The following MYO1F variants were observed in gnomAD, a reference collection of about 807,000 sequenced individuals.
The protein encoded by MYO1F is unconventional myosin-If.
A neutral mutation model predicts 146.6 loss-of-function variants in MYO1F; 60 were observed. That is an observed-to-expected ratio of 0.41 (90% CI 0.33 to 0.51). MYO1F has a LOEUF of 0.51. Ranked by LOEUF, MYO1F falls within the 20% of genes least tolerant of loss-of-function variation. The pLI, the probability that MYO1F is intolerant of heterozygous loss-of-function variation, is 0.25. For synonymous variants in MYO1F, 602 were observed against 602.1 expected, an observed-to-expected ratio of 1.00 and a Z score of 0.00; for missense variants, 1,274 against 1,534.3, an observed-to-expected ratio of 0.83 and a Z score of 2.83.
chr19:8,551,144 C>T (rs1379178631), intron 8 of MYO1F, among the ~76,000 whole-genome samples: 1 of 151,958 alleles, frequency 6.6e-6, no homozygotes, highest in Non-Finnish European at 1.5e-5. Context: ...CTCCACCTCC[C>T]GGGTTTAAGC....
At chr19:8,525,690 T>G (rs965324822) in intron 24 of MYO1F, 128 bp from the exon 25 acceptor site, 2 of 782,616 alleles carry the variant, frequency 2.6e-6, no homozygotes, top group Non-Finnish European at 4.3e-6. Context: ...CACCGCCCCT[T>G]AGGTACAGTT....
intron 19 of MYO1F, among the ~76,000 whole-genome samples, chr19:8,532,155 C>T (rs1005790044): frequency 2.2e-5 from 3 of 138,294 alleles, no homozygotes; most frequent in Non-Finnish European, 4.7e-5. Flanking sequence ...AACTCCATCT[C>T]AAAAAAAAAA....
At chr19:8,526,228 G>A (rs980911020) in intron 24 of MYO1F, among the ~76,000 whole-genome samples, 5 of 152,228 alleles carry the variant, frequency 3.3e-5, no homozygotes, top group African/African-American at 1.2e-4. Context: ...TCGGGAGGCT[G>A]AGGCAAGACA....
intron 12 of MYO1F, 40 bp downstream of exon 12, chr19:8,547,996 C>CCCCCCCCG: frequency 6.4e-6 from 7 of 1,099,960 alleles, no homozygotes; most frequent in South Asian, 2.5e-5. Context: ...ACCCCACCCC[C>CCCCCCCCG]ACCCCAGGAT....
At chr19:8,547,191 C>T (rs1973396668) in intron 12 of MYO1F, among the ~76,000 whole-genome samples, 1 of 149,288 alleles carries the variant, frequency 6.7e-6, no homozygotes. Context: ...GTCCCAGCTA[C>T]TTGAGAGGCT....
chr19:8,530,678 C>A lies in MYO1F; in HGVS notation c.2044-105G>T. ...CCCTACTCACACGCTTTTGCTCACC[C>A]ATCCCCACACATGTGCTAATTTTTT... On this transcript the variant is annotated intron_variant, in intron 19 of 27. Coordinates refer to ENST00000644032, the MANE Select transcript of MYO1F (RefSeq NM_012335.4). The surrounding 1 kb of genome is among the most constrained non-coding windows in gnomAD (Gnocchi z 5.8). 1 of 859,640 alleles carries A rather than the reference C, an allele frequency of 1.2e-6. No individual in the cohort carries two copies. Among genetic ancestry groups the A allele is most frequent in the Non-Finnish European group, 1.9e-6 (1 of 517,386 alleles). 53.3% of individuals were successfully genotyped at this position (859,640 alleles called of 1,614,324 possible). A position where few individuals can be genotyped will look rare whatever the true frequency, so the allele number is the denominator to read the frequency against.
At chr19:8,526,163 C>G (rs1972257541) in intron 24 of MYO1F, among the ~76,000 whole-genome samples, 1 of 152,124 alleles carries the variant, frequency 6.6e-6, no homozygotes, top group Non-Finnish European at 1.5e-5. Context: ...CCCGTCTCTA[C>G]TAAAACTACA....
chr19:8,556,742 C>T (rs1234424248), intron 1 of MYO1F, among the ~76,000 whole-genome samples: 2 of 151,746 alleles, frequency 1.3e-5, no homozygotes, highest in South Asian at 4.2e-4. Context: ...ACAAAATTAG[C>T]CAGGTGTGCT....
At chr19:8,574,354 C>T (rs941571680) in intron 1 of MYO1F, among the ~76,000 whole-genome samples, 15 of 152,204 alleles carry the variant, frequency 9.9e-5, no homozygotes, top group African/African-American at 3.4e-4. Context: ...AATGAATGGA[C>T]ATCCCAGCTA....
chr19:8,531,050 G>A (rs112686108), intron 19 of MYO1F, among the ~76,000 whole-genome samples: 2,670 of 148,232 alleles, frequency 0.018, 31 homozygotes, highest in African/African-American at 0.038. Context: ...ATCTCAAAAA[G>A]ACAAAAAACA....
At position 8,536,310 on chromosome 19, in the gene MYO1F, A is replaced by G. The variant is rs1445920509; in HGVS notation, c.1985T>C (p.Met662Thr). The change falls in exon 19 of 28, where the codon ATG becomes ACG. Residue 662 changes from methionine (M) to threonine (T), a missense_variant. Coordinates refer to ENST00000644032, the MANE Select transcript of MYO1F (RefSeq NM_012335.4). ...GVQHLLRAVN[M>T]EPDQYQMGST... The stretch of plus-strand genomic sequence containing the variant: ...CCCCATCTGGTACTGGTCGGGCTCC[A>G]TGTTGACCGCCCGAAGCAGGTGCTG... The G allele has an allele frequency of 2.5e-6, 4 of 1,607,284 alleles. No individual in the cohort carries two copies. Among genetic ancestry groups the G allele is most frequent in the South Asian group, 1.1e-5 (1 of 91,046 alleles).
chr19:8,532,901 A>ATACACACAC (rs1555720422), intron 19 of MYO1F, among the ~76,000 whole-genome samples: 52 of 47,836 alleles, frequency 1.1e-3, no homozygotes, highest in African/African-American at 5.0e-3. Flanking sequence ...AAAAAAAAAA[A>ATACACACAC]ATACACACAC....
At position 8,548,282 on chromosome 19, in the gene MYO1F, C is replaced by G. The variant is rs1478737891; in HGVS notation, c.1137G>C (p.Glu379Asp). 1 of 1,613,802 alleles carries G rather than the reference C, an allele frequency of 6.2e-7. No individual in the cohort carries two copies. The highest frequency in any genetic ancestry group is 8.5e-7 in the Non-Finnish European group (1 of 1,180,032). The change falls in exon 11 of 28, where the codon GAG (glutamate) becomes GAC (aspartate). Residue 379 changes from glutamate to aspartate, a missense_variant. Glu to Asp is a conservative substitution (Grantham distance 45, BLOSUM62 2). Transcript: ENST00000644032. ...INRAMQKPQE[E>D]YSIGVLDIYG... is the part of the protein sequence containing the mutation. ...AAATGTCCAGCACACCGATGCTGTA[C>G]TCTTCCTGGGGTTTCTGCATAGCAC...
chr19:8,530,732 C>T lies in MYO1F; in HGVS notation c.2044-159G>A, dbSNP rs112458917. On this transcript the variant is annotated intron_variant, in intron 19 of 27. Coordinates refer to ENST00000644032, the MANE Select transcript of MYO1F (RefSeq NM_012335.4). The surrounding 1 kb of genome is among the most constrained non-coding windows in gnomAD (Gnocchi z 5.8). ...GAGGCGGGGTCTTTCTAGTGACACT[C>T]GTTCATAAAGAAAAGAAGAAAAAGG... Among the ~76,000 whole-genome samples, 1 of 152,020 alleles carries T rather than the reference C, an allele frequency of 6.6e-6. No individual in the cohort carries two copies. Among genetic ancestry groups the T allele is most frequent in the Non-Finnish European group, 1.5e-5 (1 of 68,018 alleles).
chr19:8,525,602 C>T, intron 24 of MYO1F, 40 bp from the exon 25 acceptor site: 1 of 1,549,146 alleles, frequency 6.5e-7, no homozygotes. Context: ...ACAGACAGAC[C>T]ACGCTCTTTG....
At chr19:8,569,195 C>T (rs2145978609) in intron 1 of MYO1F, among the ~76,000 whole-genome samples, 1 of 152,216 alleles carries the variant, frequency 6.6e-6, no homozygotes, top group South Asian at 2.1e-4. Context: ...TCCAAGTCTC[C>T]ATGGGTCAAG....
In MYO1F at chr19:8,527,621, G is replaced by A. The variant is rs145819910; in HGVS notation, c.2329-138C>T. The A allele has an allele frequency of 1.7e-4, 182 of 1,067,800 alleles. No individual in the cohort carries two copies. In the African/African-American group the frequency reaches 2.3e-3, roughly 13 times the overall value. The allele number at this position is 1,067,800 out of a possible 1,614,324, so 66.1% of individuals were successfully genotyped here. On this transcript the variant is annotated intron_variant, in intron 21 of 27. Coordinates refer to ENST00000644032, the MANE Select transcript of MYO1F (RefSeq NM_012335.4). Reference sequence around the variant, plus strand: ...CCCTCCAGGTGAAGGTGTATGAGTCGTCTGTTTTGTAGACAGGGTCTCACT... The same window carrying A: ...CCCTCCAGGTGAAGGTGTATGAGTCATCTGTTTTGTAGACAGGGTCTCACT...
At chr19:8,544,605 G>A (rs1309844130) in intron 13 of MYO1F, 141 bp from the exon 14 acceptor site, 3 of 871,276 alleles carry the variant, frequency 3.4e-6, no homozygotes, top group Non-Finnish European at 3.5e-6. Context: ...GGCACCAGGG[G>A]CTTCAAATAC....
At position 8,577,378 on chromosome 19, in the gene MYO1F, G is replaced by A. The variant is rs1555734102; in HGVS notation, c.-69C>T. On this transcript the variant is annotated 5_prime_UTR_variant, in exon 1 of 28. Coordinates refer to ENST00000644032, the MANE Select transcript of MYO1F (RefSeq NM_012335.4). The surrounding 1 kb of genome is among the most constrained non-coding windows in gnomAD (Gnocchi z 4.3). ...TCGTGATGGAGGTGCAGGTTCAGGG[G>A]GATCTTGGGGGTGGCTTGGGCATGG... 2 of 1,583,822 alleles carry A rather than the reference G, an allele frequency of 1.3e-6. No homozygotes were observed. Among genetic ancestry groups the A allele is most frequent in the African/African-American group, 1.3e-5 (1 of 74,480 alleles).
Sources: allele counts gnomAD v4.1 joint callset (sites outside exome capture counted in the v4.1 genomes callset), GRCh38; gene constraint gnomAD v4.1.1; non-coding constraint Gnocchi (gnomAD v3.1); transcripts MANE v1.5; gene names NCBI Gene and HGNC (gene_info 2026-07-23, HGNC 2026-07-21).